Variants in CABIN1 observed in about 807,000 individuals in gnomAD.
The protein encoded by CABIN1 is calcineurin binding protein 1.
A neutral mutation model predicts 227.7 loss-of-function variants in CABIN1; 133 were observed. That is an observed-to-expected ratio of 0.58 (90% confidence interval 0.51 to 0.67). The LOEUF is 0.67. Among genes scored for constraint, CABIN1 ranks in the 30% least tolerant of loss-of-function variants. The pLI, the probability that CABIN1 is intolerant of heterozygous loss-of-function variation, is 0.00. For synonymous variants in CABIN1, 1,086 were observed against 1,155.1 expected, an observed-to-expected ratio of 0.94 and a Z score of 1.21; for missense variants, 2,408 against 2,852.5, an observed-to-expected ratio of 0.84 and a Z score of 3.55.
chr22:24,154,845 G>C (rs1369376891), intron 29 of CABIN1, among the ~76,000 whole-genome samples: 1 of 152,200 alleles, frequency 6.6e-6, no homozygotes, highest in Non-Finnish European at 1.5e-5. Flanking sequence ...CCAGGAACCA[G>C]CCCAGGGGTA....
At chr22:24,123,769 A>C (rs2043557082) in intron 28 of CABIN1, among the ~76,000 whole-genome samples, 1 of 152,256 alleles carries the variant, frequency 6.6e-6, no homozygotes, top group South Asian at 2.1e-4. Context: ...CTGTTTGTTA[A>C]CAAACACTTC....
intron 18 of CABIN1, 121 bp downstream of exon 18, chr22:24,072,631 C>T (rs1214214059): frequency 1.6e-6 from 2 of 1,227,400 alleles, no homozygotes; most frequent in African/African-American, 3.0e-5. Flanking sequence ...CCTCTCAATC[C>T]CAGGATTTTG....
At chr22:24,165,247 C>A (rs1347516537) in intron 30 of CABIN1, among the ~76,000 whole-genome samples, 2 of 152,232 alleles carry the variant, frequency 1.3e-5, no homozygotes, top group Admixed American at 6.5e-5. Flanking sequence ...TGGAGCCAGA[C>A]CTGAGGGAGC....
intron 6 of CABIN1, among the ~76,000 whole-genome samples, chr22:24,044,768 C>T (rs2037713604): frequency 6.6e-6 from 1 of 152,148 alleles, no homozygotes; most frequent in Non-Finnish European, 1.5e-5. Context: ...TCTTCATTGT[C>T]CAATAGCATG....
At chr22:24,152,617 G>A (rs1313910993) in intron 29 of CABIN1, among the ~76,000 whole-genome samples, 3 of 152,180 alleles carry the variant, frequency 2.0e-5, no homozygotes, top group Non-Finnish European at 2.9e-5. Flanking sequence ...GGCTGAGAAC[G>A]GGGACTGTTA....
chr22:24,091,749 G>A lies in CABIN1; in HGVS notation c.3692G>A (p.Arg1231Lys), dbSNP rs2041557102. Residue 1231 changes from arginine (R) to lysine (K), a missense_variant, in exon 24 of 37, where the codon AGG becomes AAG. Arg to Lys is a conservative substitution (Grantham distance 26). This residue lies in a region of CABIN1 where 649 missense variants were observed against 910.3 expected (regional missense o/e 0.71). Transcript: ENST00000263119. Reference sequence around the variant, plus strand: ...CCCACCGTTTACTTGCTGCACTACAGGCAGGCTGGCCACTACCTGCACGAG... The same window carrying A: ...CCCACCGTTTACTTGCTGCACTACAAGCAGGCTGGCCACTACCTGCACGAG... ...QPPTVYLLHY[R>K]QAGHYLHEEA... 2 of 1,614,098 alleles carry A rather than the reference G, an allele frequency of 1.2e-6. No individual in the cohort carries two copies. Among genetic ancestry groups the A allele is most frequent in the Non-Finnish European group, 1.7e-6 (2 of 1,180,020 alleles).
At chr22:24,014,451 T>A (rs1490930988) in intron 1 of CABIN1, among the ~76,000 whole-genome samples, 1 of 152,052 alleles carries the variant, frequency 6.6e-6, no homozygotes, top group Non-Finnish European at 1.5e-5. Context: ...GCACTTACTT[T>A]ATGGCACACC....
chr22:24,167,424 G>T (rs576752373), intron 32 of CABIN1, 111 bp downstream of exon 32: 1 of 976,912 alleles, frequency 1.0e-6, no homozygotes, highest in Non-Finnish European at 1.6e-6. Flanking sequence ...CGGGTTTTAG[G>T]TGTTGTTCCC....
In CABIN1 at chr22:24,164,480, G is replaced by T; in HGVS notation, c.4827G>T (p.Leu1609=). ...ACATGAACCGCTCCATCGTGCTGCT[G>T]CTCAAGGTGCTGGCCCAGCTGCGGG... is the stretch of plus-strand genomic sequence containing the variant. ...AWHMNRSIVL[L]LKVLAQLRDH... is the part of the protein sequence containing the mutation. Residue 1609 remains leucine, a synonymous_variant, in exon 30 of 37, where the codon CTG becomes CTT. Coordinates refer to ENST00000263119, the MANE Select transcript of CABIN1 (RefSeq NM_012295.4). 1 of 1,606,200 alleles carries T rather than the reference G, an allele frequency of 6.2e-7. No individual in the cohort carries two copies. Among genetic ancestry groups the T allele is most frequent in the Non-Finnish European group, 8.5e-7 (1 of 1,179,976 alleles).
intron 29 of CABIN1, among the ~76,000 whole-genome samples, chr22:24,139,378 C>T (rs1277295782): frequency 6.6e-6 from 1 of 152,100 alleles, no homozygotes; most frequent in African/African-American, 2.4e-5. Flanking sequence ...AGTTCGAGAC[C>T]AGCCTGGCGA....
chr22:24,116,435 C>T (rs2043091792), intron 27 of CABIN1, among the ~76,000 whole-genome samples: 1 of 152,206 alleles, frequency 6.6e-6, no homozygotes, highest in Non-Finnish European at 1.5e-5. Flanking sequence ...AGTGACAATG[C>T]CCATGCACCA....
At position 24,167,326 on chromosome 22, in the gene CABIN1, CAG is replaced by C. The variant is rs1167498956; in HGVS notation, c.5682+16_5682+17del. 1 of 1,609,214 alleles carries C rather than the reference CAG, an allele frequency of 6.2e-7. No homozygotes were observed. Among genetic ancestry groups the C allele is most frequent in the African/African-American group, 1.3e-5 (1 of 74,918 alleles). ...GCTCATCAAGCAGGTGGGTGGCAGGCAGAGGCCTGGGGGCACTAGTCTGCTGG... is the reference window on the plus strand; with the variant it reads ...GCTCATCAAGCAGGTGGGTGGCAGGCAGGCCTGGGGGCACTAGTCTGCTGG... On this transcript the variant is annotated intron_variant, in intron 32 of 36. Transcript: ENST00000263119.
In CABIN1 at chr22:24,140,189, G is replaced by A. The variant is rs75976440; in HGVS notation, c.4746+5774G>A. The stretch of plus-strand genomic sequence containing the variant: ...GAGAATGGGATGGGTGCTAAGGATC[G>A]AGTGAGTGGGACCTTGGGTTCCTAT... On this transcript the variant is annotated intron_variant, in intron 29 of 36. Transcript: ENST00000263119. Among the ~76,000 whole-genome samples, 22 of 152,330 alleles carry A rather than the reference G, an allele frequency of 1.4e-4. No homozygotes were observed. The East Asian group carries it at 3.7e-3, about 25-fold the overall frequency.
chr22:24,142,854 AG>A (rs949320725), intron 29 of CABIN1, among the ~76,000 whole-genome samples: 2 of 152,156 alleles, frequency 1.3e-5, no homozygotes, highest in African/African-American at 4.8e-5. Flanking sequence ...GGATAGGAAG[AG>A]CTGGTTTGTA....
At chr22:24,113,889 G>A (rs1453333169) in intron 27 of CABIN1, 141 bp downstream of exon 27, 3 of 902,208 alleles carry the variant, frequency 3.3e-6, no homozygotes, top group South Asian at 1.4e-5. Context: ...CCTGTAGGAT[G>A]AGAATGGTCC....
intron 6 of CABIN1, among the ~76,000 whole-genome samples, chr22:24,044,077 A>C (rs2037649458): frequency 6.6e-6 from 1 of 152,124 alleles, no homozygotes; most frequent in Admixed American, 6.5e-5. Flanking sequence ...CATCACCCTC[A>C]TGGTACGTGG....
rs971056151 is a variant in CABIN1, at chr22:24,062,877, A to G, written c.1697-82A>G. 4.3e-6 allele frequency: 6 copies of G among 1,400,012 alleles called. No individual in the cohort carries two copies. The Admixed American group carries it at 6.7e-5, about 16-fold the overall frequency. 86.7% of individuals were successfully genotyped at this position (1,400,012 alleles called of 1,614,324 possible). ...CCCTGGAGATAGGGTGGGTGTGGTTAGGGCCAAGTGCAACTTCTGAGAAGC... is the reference window on the plus strand; with the variant it reads ...CCCTGGAGATAGGGTGGGTGTGGTTGGGGCCAAGTGCAACTTCTGAGAAGC... On this transcript the variant is annotated intron_variant, in intron 13 of 36. Transcript: ENST00000263119.
At chr22:24,059,408 C>G in intron 11 of CABIN1, 45 bp downstream of exon 11, 2 of 1,608,734 alleles carry the variant, frequency 1.2e-6, no homozygotes, top group Non-Finnish European at 1.7e-6. Flanking sequence ...AATTCTTCTT[C>G]CCACTATCCT....
chr22:24,057,826 C>T (rs941687416), intron 10 of CABIN1, among the ~76,000 whole-genome samples: 7 of 152,154 alleles, frequency 4.6e-5, no homozygotes, highest in African/African-American at 1.7e-4. Context: ...AGGGGTAATA[C>T]CAGAAGAAAG....
Sources: allele counts gnomAD v4.1 joint callset (sites outside exome capture counted in the v4.1 genomes callset), GRCh38; gene constraint gnomAD v4.1.1; regional missense constraint gnomAD v4.1.1; transcripts MANE v1.5; gene names NCBI Gene and HGNC (gene_info 2026-07-23, HGNC 2026-07-21).